The following MSI2 variants were observed in gnomAD, a reference collection of about 807,000 sequenced individuals.
The protein encoded by MSI2 is musashi RNA binding protein 2.
MSI2 carries 17 observed loss-of-function variants against 45.6 expected under a neutral mutation model. That is an observed-to-expected ratio of 0.37 (90% CI 0.26 to 0.56). The LOEUF (loss-of-function observed/expected upper bound fraction) is 0.56, where lower values mean the gene tolerates loss of function less well. Among genes scored for constraint, MSI2 ranks in the 20% least tolerant of loss-of-function variants. The pLI is 0.77. For synonymous variants in MSI2, 156 were observed against 158.2 expected (o/e 0.99, Z 0.11); for missense variants, 293 against 444.2 (o/e 0.66, Z 3.06).
intron 7 of MSI2, among the ~76,000 whole-genome samples, chr17:57,564,250 G>T (rs1333558091): frequency 2.0e-5 from 3 of 152,210 alleles, no homozygotes; most frequent in African/African-American, 4.8e-5. Flanking sequence ...ATGGGCACTG[G>T]CCCAGGACAG....
chr17:57,625,104 C>T (rs981403906), intron 9 of MSI2, among the ~76,000 whole-genome samples: 1 of 152,134 alleles, frequency 6.6e-6, no homozygotes, highest in Non-Finnish European at 1.5e-5. Flanking sequence ...ATGAGGGCTC[C>T]ACCTCATGGC....
Position 57,456,560 on chromosome 17 carries a change from A to C in MSI2, c.405+55089A>C, listed in dbSNP as rs192575848. Among the ~76,000 whole-genome samples the C allele has an allele frequency of 2.0e-5, 3 of 151,638 alleles. No individual in the cohort carries two copies. The East Asian group carries it at 5.8e-4, about 29-fold the overall frequency. On this transcript the variant is annotated intron_variant, in intron 6 of 13. Transcript: ENST00000284073. The stretch of plus-strand genomic sequence containing the variant: ...CAGTGAGCTGAGATCGCACCACTGC[A>C]CTCCAGCCTGGGCGACAGAGCGATC...
Position 57,627,648 on chromosome 17 carries a change from A to G in MSI2, c.727+345A>G. ...AACTCTAGGCCCAGGGCTTTCTTTC[A>G]CCCTCTACCACCCCTTGCCCGCCTC... On this transcript the variant is annotated intron_variant, in intron 10 of 13. Transcript: ENST00000284073. This position sits in a 1 kb window ranked among gnomAD's most constrained non-coding sequence, Gnocchi z 4.6. The G allele has an allele frequency of 3.1e-6, 1 of 319,956 alleles. No homozygotes were observed. Among genetic ancestry groups the G allele is most frequent in the South Asian group, 4.1e-5 (1 of 24,462 alleles). The allele number at this position is 319,956 out of a possible 1,614,324, so 19.8% of individuals were successfully genotyped here.
chr17:57,659,037 T>C (rs1432445248), intron 11 of MSI2, among the ~76,000 whole-genome samples: 1 of 151,724 alleles, frequency 6.6e-6, no homozygotes, highest in East Asian at 2.0e-4. Flanking sequence ...GCTTGTGTTT[T>C]GCAGAGGTTT....
intron 5 of MSI2, among the ~76,000 whole-genome samples, chr17:57,368,004 C>A (rs1056219926): frequency 6.6e-6 from 1 of 152,156 alleles, no homozygotes; most frequent in Non-Finnish European, 1.5e-5. Context: ...AAGATAAAGA[C>A]CCTGTCCTCA....
At chr17:57,528,889 C>A (rs934261107) in intron 6 of MSI2, among the ~76,000 whole-genome samples, 2 of 152,144 alleles carry the variant, frequency 1.3e-5, no homozygotes, top group African/African-American at 4.8e-5. Context: ...GAGCCCATAA[C>A]AATCAGGATG....
intron 10 of MSI2, among the ~76,000 whole-genome samples, chr17:57,648,927 C>T (rs1444155026): frequency 6.6e-6 from 1 of 152,188 alleles, no homozygotes; most frequent in Non-Finnish European, 1.5e-5. Flanking sequence ...CGTCTCTCCC[C>T]TGCATTTCCC....
intron 5 of MSI2, among the ~76,000 whole-genome samples, chr17:57,323,548 C>G (rs1453679813): frequency 1.3e-5 from 2 of 152,264 alleles, no homozygotes; most frequent in East Asian, 1.9e-4. Context: ...CTCCCTGGGA[C>G]AGGTGCTCCT....
At position 57,652,869 on chromosome 17, in the gene MSI2, G is replaced by A. The variant is rs190371367; in HGVS notation, c.790+708G>A. Among the ~76,000 whole-genome samples, 18 of 152,364 alleles carry A rather than the reference G, an allele frequency of 1.2e-4. No homozygotes were observed. The South Asian group carries it at 1.7e-3, about 14-fold the overall frequency. ...AGCATTATCATGGGGTCAGGCCAGA[G>A]CTGGGATATGTCCAGGGTGCCCGGG... On this transcript the variant is annotated intron_variant, in intron 11 of 13. Coordinates refer to ENST00000284073, the MANE Select transcript of MSI2 (RefSeq NM_138962.4). This position sits in a 1 kb window ranked among gnomAD's most constrained non-coding sequence, Gnocchi z 4.1.
chr17:57,448,609 T>C (rs1256660730), intron 6 of MSI2: 1 of 152,288 alleles, frequency 6.6e-6, no homozygotes, highest in Non-Finnish European at 1.5e-5. Context: ...TGTGTGACTG[T>C]GTGGTCTGGC....
intron 8 of MSI2, among the ~76,000 whole-genome samples, chr17:57,604,058 T>C (rs1906240117): frequency 6.6e-6 from 1 of 152,150 alleles, no homozygotes; most frequent in Admixed American, 6.5e-5. Flanking sequence ...CAGAACAGGG[T>C]GCTGTCAACC....
chr17:57,584,545 C>T (rs1481128966), intron 7 of MSI2, among the ~76,000 whole-genome samples: 1 of 152,136 alleles, frequency 6.6e-6, no homozygotes, highest in Non-Finnish European at 1.5e-5. Flanking sequence ...GGTCTGAAAC[C>T]ATACCTCATA....
intron 5 of MSI2, among the ~76,000 whole-genome samples, chr17:57,287,346 T>A (rs1239946859): frequency 6.6e-6 from 1 of 152,046 alleles, no homozygotes; most frequent in African/African-American, 2.4e-5. Context: ...GGGTGCCATA[T>A]AATTTGCTGG....
chr17:57,544,530 C>T (rs1184582859), intron 7 of MSI2, among the ~76,000 whole-genome samples: 2 of 152,184 alleles, frequency 1.3e-5, no homozygotes, highest in Non-Finnish European at 2.9e-5. Context: ...GCAGTAGCAG[C>T]TGGGGTGGGA....
chr17:57,625,957 C>A (rs1230150989), intron 9 of MSI2: 1 of 152,272 alleles, frequency 6.6e-6, no homozygotes, highest in Admixed American at 6.5e-5. Context: ...AAATTCGGAG[C>A]CAGTCCCTCC....
chr17:57,358,456 G>A (rs1916601973), intron 5 of MSI2, among the ~76,000 whole-genome samples: 1 of 152,140 alleles, frequency 6.6e-6, no homozygotes, highest in Admixed American at 6.5e-5. Flanking sequence ...GCATCTTATG[G>A]ACTAATGGTC....
At chr17:57,332,293 G>A (rs1002364950) in intron 5 of MSI2, among the ~76,000 whole-genome samples, 1 of 152,074 alleles carries the variant, frequency 6.6e-6, no homozygotes, top group African/African-American at 2.4e-5. Flanking sequence ...TAGAGATGGG[G>A]TTTCTCCATG....
At chr17:57,637,977 T>C (rs894904246) in intron 10 of MSI2, among the ~76,000 whole-genome samples, 12 of 152,222 alleles carry the variant, frequency 7.9e-5, no homozygotes, top group African/African-American at 2.9e-4. Flanking sequence ...TAGCAGGAAC[T>C]TAATCACCTT....
chr17:57,324,087 C>T (rs948591982), intron 5 of MSI2, among the ~76,000 whole-genome samples: 2 of 152,138 alleles, frequency 1.3e-5, no homozygotes, highest in African/African-American at 4.8e-5. Flanking sequence ...GTGGGAGGGT[C>T]GCTTGAGGCC....
Sources: allele counts gnomAD v4.1 joint callset (sites outside exome capture counted in the v4.1 genomes callset), GRCh38; gene constraint gnomAD v4.1.1; non-coding constraint Gnocchi (gnomAD v3.1); transcripts MANE v1.5; gene names NCBI Gene and HGNC (gene_info 2026-07-23, HGNC 2026-07-21).